LINGO2: variants seen among roughly 807,000 people sequenced by gnomAD.
LINGO2 encodes leucine rich repeat and Ig domain containing 2.
In LINGO2, 14 loss-of-function variants were observed where a neutral mutation model predicts 30.6. The observed-to-expected ratio is 0.46, with a 90% CI of 0.30 to 0.72. LINGO2 has a LOEUF of 0.72. LINGO2 is among the 30% of genes least tolerant of loss of function. The pLI is 0.07. For synonymous variants in LINGO2, 317 were observed against 288.5 expected (o/e 1.10, Z -1.00); for missense variants, 729 against 751.7 (o/e 0.97, Z 0.35).
intron 4 of LINGO2, among the ~76,000 whole-genome samples, chr9:28,133,022 A>C (rs1333457105): frequency 6.6e-6 from 1 of 152,152 alleles, no homozygotes; most frequent in East Asian, 1.9e-4. Flanking sequence ...AAATACCCTA[A>C]GAATAAGCAA....
At chr9:29,140,630 T>G in the LINGO2 span, among the ~76,000 whole-genome samples, 177 of 151,846 alleles carry the variant, frequency 1.2e-3, 2 homozygotes, top group African/African-American at 4.0e-3. Flanking sequence ...TGGGCAAAAT[T>G]TCCCAAGTCT....
At chr9:28,994,251 G>C in the LINGO2 span, among the ~76,000 whole-genome samples, 86 of 152,268 alleles carry the variant, frequency 5.6e-4, 2 homozygotes, top group Admixed American at 4.2e-3. Context: ...CAAATCATGA[G>C]TGAACTCCCA....
At chr9:28,730,990 G>C in the LINGO2 span, among the ~76,000 whole-genome samples, 4 of 151,772 alleles carry the variant, frequency 2.6e-5, no homozygotes. Context: ...CTGTACTCCT[G>C]AGAATTTTTT....
chr9:28,007,369 A>G (rs1053093728), intron 5 of LINGO2, among the ~76,000 whole-genome samples: 1 of 152,158 alleles, frequency 6.6e-6, no homozygotes, highest in Non-Finnish European at 1.5e-5. Context: ...AAAAAGCGCT[A>G]CGCATGATGA....
At chr9:28,215,138 C>G (rs13294601) in intron 4 of LINGO2, among the ~76,000 whole-genome samples, 19,356 of 151,538 alleles carry the variant, frequency 0.13, 1,365 homozygotes, top group African/African-American at 0.18. Context: ...AGGGCCAGGA[C>G]GCTACCTGAT....
At chr9:28,774,126 A>G in the LINGO2 span, among the ~76,000 whole-genome samples, 5 of 151,866 alleles carry the variant, frequency 3.3e-5, no homozygotes, top group Non-Finnish European at 5.9e-5. Context: ...GATTTAAAAC[A>G]CTTTAAACAG....
chr9:28,606,470 C>T (rs1265986110), intron 1 of LINGO2, among the ~76,000 whole-genome samples: 2 of 151,926 alleles, frequency 1.3e-5, no homozygotes, highest in Non-Finnish European at 2.9e-5. Context: ...ACCACTATTC[C>T]TGTGACCTAT....
chr9:28,094,606 T>C (rs764516756), intron 4 of LINGO2, among the ~76,000 whole-genome samples: 12 of 152,078 alleles, frequency 7.9e-5, no homozygotes, highest in Non-Finnish European at 1.2e-4. Context: ...CTTTTGATAA[T>C]ATTACAATGA....
the LINGO2 span, among the ~76,000 whole-genome samples, chr9:29,135,157 TATTA>T: frequency 2.0e-5 from 3 of 152,234 alleles, no homozygotes; most frequent in Non-Finnish European, 4.4e-5. Flanking sequence ...AATTTTCATG[TATTA>T]ATTGTTTCAG....
the LINGO2 span, among the ~76,000 whole-genome samples, chr9:28,992,205 G>C: frequency 6.6e-6 from 1 of 151,540 alleles, no homozygotes; most frequent in Admixed American, 6.6e-5. Flanking sequence ...AAAAAGGCAG[G>C]GGTTGCAATC....
intron 5 of LINGO2, among the ~76,000 whole-genome samples, chr9:27,985,620 C>T (rs183586217): frequency 7.0e-6 from 1 of 143,012 alleles, no homozygotes; most frequent in East Asian, 2.1e-4. Context: ...ATAAGGCATA[C>T]AGTAGGTGGT....
intron 4 of LINGO2, among the ~76,000 whole-genome samples, chr9:28,226,529 A>G (rs984819848): frequency 5.9e-5 from 9 of 151,798 alleles, no homozygotes; most frequent in African/African-American, 2.2e-4. Context: ...ATTCAAGGGC[A>G]TAAGAAGAGA....
intron 4 of LINGO2, among the ~76,000 whole-genome samples, chr9:28,221,995 A>G (rs1485732844): frequency 6.6e-6 from 1 of 152,188 alleles, no homozygotes; most frequent in African/African-American, 2.4e-5. Context: ...TTGTATTTGT[A>G]TTATCTTTTG....
chr9:29,069,371 A>G, the LINGO2 span, among the ~76,000 whole-genome samples: 1 of 151,964 alleles, frequency 6.6e-6, no homozygotes, highest in African/African-American at 2.4e-5. Flanking sequence ...TATATAATGT[A>G]TCCTAGGTCT....
At chr9:28,776,934 C>T in the LINGO2 span, among the ~76,000 whole-genome samples, 38 of 151,830 alleles carry the variant, frequency 2.5e-4, 1 homozygote, top group South Asian at 7.5e-3. Context: ...AGTGGCCTGG[C>T]GGGAGGTGAT....
At chr9:28,692,333 A>G in the LINGO2 span, among the ~76,000 whole-genome samples, 2 of 151,986 alleles carry the variant, frequency 1.3e-5, no homozygotes, top group Non-Finnish European at 2.9e-5. Flanking sequence ...ATATTAGCCA[A>G]GTGTGGTGGT....
chr9:28,941,799 G>T, the LINGO2 span, among the ~76,000 whole-genome samples: 1 of 151,994 alleles, frequency 6.6e-6, no homozygotes, highest in East Asian at 1.9e-4. Flanking sequence ...AAAACCTTTG[G>T]TATACAGATA....
At chr9:28,330,044 C>A (rs957596881) in intron 3 of LINGO2, among the ~76,000 whole-genome samples, 1 of 152,084 alleles carries the variant, frequency 6.6e-6, no homozygotes, top group African/African-American at 2.4e-5. Context: ...GAGATGAGGT[C>A]TTTAAGTGGT....
the LINGO2 span, among the ~76,000 whole-genome samples, chr9:29,142,944 G>A: frequency 2.0e-5 from 3 of 151,850 alleles, no homozygotes; most frequent in Non-Finnish European, 4.4e-5. Context: ...AACAAACTCA[G>A]CAAAGTGGCA....
Sources: gnomAD v4.1 joint callset for allele counts (sites outside exome capture counted in the v4.1 genomes callset) on GRCh38, gnomAD v4.1.1 for gene constraint, MANE v1.5 for transcripts, NCBI Gene and HGNC (gene_info 2026-07-23, HGNC 2026-07-21) for gene names.